DENND4C: variants seen among roughly 807,000 people sequenced by gnomAD.
DENND4C encodes DENN domain containing 4C.
A neutral mutation model predicts 203.0 loss-of-function variants in DENND4C; 108 were observed. The ratio of observed to expected loss-of-function variants is 0.53; its 90% CI spans 0.46 to 0.62. DENND4C has a LOEUF of 0.62. Among genes scored for constraint, DENND4C ranks in the 20% least tolerant of loss-of-function variants. The pLI is 0.00. For missense variants in DENND4C, 2,481 were observed against 2,301.2 expected, an observed-to-expected ratio of 1.08 and a Z score of -1.60; for synonymous variants, 871 against 792.4, an observed-to-expected ratio of 1.10 and a Z score of -1.67.
chr9:19,270,446 CT>C (rs1217709472), intron 1 of DENND4C, among the ~76,000 whole-genome samples: 1 of 152,118 alleles, frequency 6.6e-6, no homozygotes, highest in Non-Finnish European at 1.5e-5. Context: ...CTACTTGGTG[CT>C]TTATTTTACT....
At chr9:19,290,956 A>G (rs899043363) in intron 5 of DENND4C, 80 bp downstream of exon 5, 2 of 1,366,148 alleles carry the variant, frequency 1.5e-6, no homozygotes, top group African/African-American at 1.5e-5. Flanking sequence ...TTTTATTTGA[A>G]TGTTAGGATT....
At chr9:19,255,607 A>G (rs1406253632) in intron 1 of DENND4C, among the ~76,000 whole-genome samples, 6 of 152,180 alleles carry the variant, frequency 3.9e-5, no homozygotes, top group African/African-American at 7.2e-5. Context: ...GGTTTTTATC[A>G]GGAATGAAGA....
intron 28 of DENND4C, among the ~76,000 whole-genome samples, chr9:19,359,745 T>C (rs939352997): frequency 6.7e-6 from 1 of 149,050 alleles, no homozygotes; most frequent in African/African-American, 2.6e-5. Context: ...GTTGGGTCTT[T>C]TTTCATTTCT....
intron 1 of DENND4C, among the ~76,000 whole-genome samples, chr9:19,268,735 T>C (rs1466118691): frequency 6.6e-6 from 1 of 152,186 alleles, no homozygotes; most frequent in Non-Finnish European, 1.5e-5. Context: ...TTTGTTTTTT[T>C]TTCAGTACTT....
Position 19,360,309 on chromosome 9 carries a change from C to A in DENND4C, c.5226C>A (p.Leu1742=), listed in dbSNP as rs1286719241. Reference sequence around the variant, plus strand: ...TGCCCTACTTGAGTCCTCTAGTACTCCGTAAAGAACTTGAATCTTTGCTAG... The same window carrying A: ...TGCCCTACTTGAGTCCTCTAGTACTACGTAAAGAACTTGAATCTTTGCTAG... ...VSVPYLSPLV[L]RKELESLLEN... Residue 1742 remains leucine, a synonymous_variant, in exon 29 of 33, where the codon CTC becomes CTA. Transcript: ENST00000434457. 10 of 1,613,934 alleles carry A rather than the reference C, an allele frequency of 6.2e-6. No homozygotes were observed. The highest frequency in any genetic ancestry group is 7.6e-6 in the Non-Finnish European group (9 of 1,179,858).
chr9:19,346,371 C>G lies in DENND4C; in HGVS notation c.3602C>G (p.Thr1201Arg). ...GATGACGTACCTAAAACTACTGCAACAGTAGATACATATGAGAGTCTACTA... is the reference window on the plus strand; with the variant it reads ...GATGACGTACCTAAAACTACTGCAAGAGTAGATACATATGAGAGTCTACTA... ...VVDDVPKTTATVDTYESLLSD... is the reference protein window; with the variant it reads ...VVDDVPKTTARVDTYESLLSD... The change falls in exon 23 of 33, where the codon ACA becomes AGA. Residue 1201 changes from threonine to arginine, a missense_variant. Around this residue, in one of 3 missense-constraint regions of DENND4C, gnomAD observed 2,289 missense variants for 2,113.3 expected, o/e 1.08. Coordinates refer to ENST00000434457, the MANE Select transcript of DENND4C (RefSeq NM_001330640.2). The G allele has an allele frequency of 6.2e-7, 1 of 1,614,100 alleles. No homozygotes were observed. The highest frequency in any genetic ancestry group is 8.5e-7 in the Non-Finnish European group (1 of 1,180,028).
chr9:19,334,347 G>A (rs1056491974), intron 17 of DENND4C, among the ~76,000 whole-genome samples: 9 of 151,886 alleles, frequency 5.9e-5, no homozygotes, highest in South Asian at 2.1e-4. Flanking sequence ...TACTGCTCCC[G>A]GCCTCTATCC....
chr9:19,350,893 T>G lies in DENND4C; in HGVS notation c.4495+14T>G, dbSNP rs773106806. 2.5e-6 allele frequency: 4 copies of G among 1,584,588 alleles called. No individual in the cohort carries two copies. The South Asian group carries it at 4.7e-5, about 19-fold the overall frequency. On this transcript the variant is annotated intron_variant, in intron 24 of 32. Coordinates refer to ENST00000434457, the MANE Select transcript of DENND4C (RefSeq NM_001330640.2). ...ATTATCCAACAGGTATGGGGAAGGA[T>G]TATCCTTTCTTCATTTGCTTTATAA...
At chr9:19,250,041 G>A (rs1348897718) in intron 1 of DENND4C, among the ~76,000 whole-genome samples, 1 of 152,154 alleles carries the variant, frequency 6.6e-6, no homozygotes, top group Non-Finnish European at 1.5e-5. Context: ...GCTAATACCT[G>A]TAATCCAGTG....
At position 19,330,996 on chromosome 9, in the gene DENND4C, C is replaced by T. The variant is rs140377616; in HGVS notation, c.2254-982C>T. Among the ~76,000 whole-genome samples the T allele has an allele frequency of 8.4e-3, 1,275 of 151,582 alleles. 23 individuals are homozygous for T. Among genetic ancestry groups the T allele is most frequent in the African/African-American group, 0.03 (1,235 of 41,368 alleles). Reference sequence around the variant, plus strand: ...ACTTGAACCCGGGAGGCAGTGGTTGCGGTGAGCTGAGATCACGCCATTGCA... The same window carrying T: ...ACTTGAACCCGGGAGGCAGTGGTTGTGGTGAGCTGAGATCACGCCATTGCA... On this transcript the variant is annotated intron_variant, in intron 16 of 32. Transcript: ENST00000434457.
At chr9:19,245,951 G>T (rs554308443) in intron 1 of DENND4C, among the ~76,000 whole-genome samples, 159 of 70,984 alleles carry the variant, frequency 2.2e-3, no homozygotes, top group African/African-American at 7.9e-3. Context: ...ATATTTCTTG[G>T]AATCCAATTT....
At chr9:19,321,241 T>G (rs190229158) in intron 12 of DENND4C, among the ~76,000 whole-genome samples, 1 of 152,338 alleles carries the variant, frequency 6.6e-6, no homozygotes, top group Admixed American at 6.5e-5. Context: ...GTCACATTGG[T>G]TCTAGGGATT....
chr9:19,323,241 G>A (rs1351529037), intron 12 of DENND4C, among the ~76,000 whole-genome samples: 2 of 152,164 alleles, frequency 1.3e-5, no homozygotes, highest in Non-Finnish European at 2.9e-5. Flanking sequence ...AGACCAGCCT[G>A]GCCAACATGG....
At chr9:19,314,095 A>T (rs150814662) in intron 10 of DENND4C, among the ~76,000 whole-genome samples, 91 of 151,232 alleles carry the variant, frequency 6.0e-4, no homozygotes, top group African/African-American at 2.0e-3. Context: ...AGAGGGGAAA[A>T]AAAAGAATGA....
chr9:19,271,085 A>C (rs867756329), intron 1 of DENND4C, among the ~76,000 whole-genome samples: 7 of 152,354 alleles, frequency 4.6e-5, no homozygotes, highest in Middle Eastern at 6.8e-3. Context: ...AGATCTAAGT[A>C]AATGCAGAGA....
At chr9:19,316,906 C>G (rs1243478580) in intron 12 of DENND4C, 67 bp downstream of exon 12, 1 of 1,319,898 alleles carries the variant, frequency 7.6e-7, no homozygotes, top group African/African-American at 1.5e-5. Context: ...GATGTTGCTG[C>G]CAAGAAATAC....
chr9:19,305,294 T>C, intron 9 of DENND4C, 58 bp from the exon 10 acceptor site: 1 of 1,467,890 alleles, frequency 6.8e-7, no homozygotes, highest in Admixed American at 1.9e-5. Flanking sequence ...ACTAGTTACT[T>C]ATATATTTTT....
chr9:19,244,704 C>A lies in DENND4C; in HGVS notation c.-18+13871C>A, dbSNP rs9802453. On this transcript the variant is annotated intron_variant, in intron 1 of 32. Transcript: ENST00000434457. ...GCAGTGAGCGGAGATCGTGCCACTG[C>A]ACTCCAGCCTGGGTGACAGAGCGAG... Among the ~76,000 whole-genome samples the A allele has an allele frequency of 5.3e-3, 783 of 148,610 alleles. 21 individuals carry two copies. The highest frequency in any genetic ancestry group is 0.048 in the Admixed American group (707 of 14,736).
chr9:19,351,364 G>A (rs573230268), intron 24 of DENND4C, among the ~76,000 whole-genome samples: 4 of 152,222 alleles, frequency 2.6e-5, no homozygotes, highest in East Asian at 3.9e-4. Context: ...TGGGGCCTTG[G>A]GAATGTGTAT....
Sources: allele counts gnomAD v4.1 joint callset (sites outside exome capture counted in the v4.1 genomes callset), GRCh38; gene constraint gnomAD v4.1.1; regional missense constraint gnomAD v4.1.1; transcripts MANE v1.5; gene names NCBI Gene and HGNC (gene_info 2026-07-23, HGNC 2026-07-21).